CCDC42: variants seen among roughly 807,000 people sequenced by gnomAD.
The protein encoded by CCDC42 is coiled-coil domain containing 42.
A neutral mutation model predicts 40.8 loss-of-function variants in CCDC42; 38 were observed. That is an observed-to-expected ratio of 0.93 (90% CI 0.72 to 1.22). The LOEUF (loss-of-function observed/expected upper bound fraction) is 1.22. Ranked by LOEUF, CCDC42 falls within the 50% of genes most tolerant of loss-of-function variation. The pLI, the probability that CCDC42 is intolerant of heterozygous loss-of-function variation, is 0.00. For missense variants in CCDC42, 379 were observed against 416.5 expected, an observed-to-expected ratio of 0.91 and a Z score of 0.78; for synonymous variants, 135 against 157.5, an observed-to-expected ratio of 0.86 and a Z score of 1.07.
At chr17:8,733,303 G>A (rs914761406) in intron 6 of CCDC42, among the ~76,000 whole-genome samples, 1 of 152,158 alleles carries the variant, frequency 6.6e-6, no homozygotes, top group African/African-American at 2.4e-5. Flanking sequence ...GTATTTCCGT[G>A]AGTAGGTTCA....
At chr17:8,730,964 G>A (rs1368554493) in intron 6 of CCDC42, among the ~76,000 whole-genome samples, 2 of 152,172 alleles carry the variant, frequency 1.3e-5, no homozygotes, top group East Asian at 3.8e-4. Context: ...ATAACCTTGA[G>A]TCATGAAAAG....
At position 8,744,051 on chromosome 17, in the gene CCDC42, C is replaced by T. The variant is rs201061528; in HGVS notation, c.189+28G>A. ...CAGCCCACCCCCTTCCTTTCCTGCC[C>T]CTCTGCACTCCATCCCTGAGTCCCC... On this transcript the variant is annotated intron_variant, in intron 2 of 6. Transcript: ENST00000293845. 12 of 1,555,060 alleles carry T rather than the reference C, an allele frequency of 7.7e-6. No individual in the cohort carries two copies. The African/African-American group carries it at 1.4e-4, about 18-fold the overall frequency.
intron 4 of CCDC42, among the ~76,000 whole-genome samples, chr17:8,737,063 A>C (rs1205588619): frequency 6.9e-6 from 1 of 144,994 alleles, no homozygotes; most frequent in Non-Finnish European, 1.5e-5. Context: ...GAAAAAAGAA[A>C]AGAAAAAGGA....
chr17:8,736,626 C>A (rs2086612891), intron 4 of CCDC42, among the ~76,000 whole-genome samples: 1 of 152,212 alleles, frequency 6.6e-6, no homozygotes, highest in African/African-American at 2.4e-5. Flanking sequence ...TGGGAACTGC[C>A]CTGCTGGCCT....
chr17:8,743,037 C>T (rs1485929884), intron 3 of CCDC42, among the ~76,000 whole-genome samples: 4 of 152,180 alleles, frequency 2.6e-5, no homozygotes, highest in East Asian at 1.9e-4. Context: ...TTGTGGCCGA[C>T]GGCAATCATT....
At position 8,730,216 on chromosome 17, in the gene CCDC42, G is replaced by T. The variant is rs2086571661; in HGVS notation, c.874-9C>A. The stretch of plus-strand genomic sequence containing the variant: ...TGGATAAATTGCTGGATCTAGAAAG[G>T]CAAGGAGCCCAGCGTTAACTCCGCC... On this transcript the variant is annotated splice_polypyrimidine_tract_variant and intron_variant, in intron 6 of 6. Coordinates refer to ENST00000293845, the MANE Select transcript of CCDC42 (RefSeq NM_144681.3). The T allele has an allele frequency of 1.2e-6, 2 of 1,612,198 alleles. No individual in the cohort carries two copies. Among genetic ancestry groups the T allele is most frequent in the East Asian group, 2.2e-5 (1 of 44,794 alleles).
chr17:8,739,325 G>A (rs941714357), intron 4 of CCDC42, among the ~76,000 whole-genome samples: 2 of 152,202 alleles, frequency 1.3e-5, no homozygotes, highest in East Asian at 1.9e-4. Context: ...GAGTTCTGGC[G>A]GGGCTGTGAG....
In CCDC42 at chr17:8,739,009, G is replaced by A. The variant is rs2086626849; in HGVS notation, c.492+2465C>T. 2.6e-5 allele frequency among the ~76,000 whole-genome samples: 4 copies of A among 152,288 alleles called. No individual in the cohort carries two copies. The South Asian group carries it at 8.3e-4, about 32-fold the overall frequency. ...AACTGGGGGCAGATGGGGAAAATAC[G>A]AAGATTTAGCAAAGCTGTGTGATGA... On this transcript the variant is annotated intron_variant, in intron 4 of 6. Transcript: ENST00000293845.
rs2151141518 is a variant in CCDC42, at chr17:8,744,711, T to A, written c.-102A>T. The A allele has an allele frequency of 1.3e-6, 1 of 789,984 alleles. No individual in the cohort carries two copies. The highest frequency in any genetic ancestry group is 1.7e-5 in the African/African-American group (1 of 59,934). 48.9% of individuals were successfully genotyped at this position (789,984 alleles called of 1,614,324 possible). ...GGGGTGGTGGCTGCACTCTTGTTTC[T>A]CCCTTCGGCCTACAGGGTCCCACAG... On this transcript the variant is annotated 5_prime_UTR_variant, in exon 1 of 7. Transcript: ENST00000293845.
intron 4 of CCDC42, among the ~76,000 whole-genome samples, chr17:8,740,687 C>A (rs562925404): frequency 2.0e-5 from 3 of 151,988 alleles, no homozygotes; most frequent in African/African-American, 7.3e-5. Context: ...TCAGACGCTG[C>A]CCCCAAGAGG....
chr17:8,741,174 T>C (rs2086640881), intron 4 of CCDC42, among the ~76,000 whole-genome samples: 1 of 152,098 alleles, frequency 6.6e-6, no homozygotes, highest in African/African-American at 2.4e-5. Context: ...ACGCAACTCA[T>C]GCAAGATACA....
chr17:8,740,380 C>T (rs1003261018), intron 4 of CCDC42, among the ~76,000 whole-genome samples: 12 of 150,422 alleles, frequency 8.0e-5, no homozygotes, highest in Non-Finnish European at 1.0e-4. Context: ...CCCAGCTACT[C>T]GGGAGGCTGA....
intron 4 of CCDC42, among the ~76,000 whole-genome samples, chr17:8,740,683 G>A (rs1423522413): frequency 6.6e-6 from 1 of 152,014 alleles, no homozygotes; most frequent in Non-Finnish European, 1.5e-5. Context: ...AGTGTCAGAC[G>A]CTGCCCCCAA....
At position 8,730,047 on chromosome 17, in the gene CCDC42, G is replaced by A. The variant is rs942643304; in HGVS notation, c.*83C>T. On this transcript the variant is annotated 3_prime_UTR_variant, in exon 7 of 7. Transcript: ENST00000293845. The stretch of plus-strand genomic sequence containing the variant: ...GGAAGGCACAGCAGGCATCGGTCCC[G>A]AGCTGGACTGACTGGACCGCAGGCT... 3.7e-5 allele frequency: 49 copies of A among 1,307,624 alleles called. No homozygotes were observed. In the East Asian group the frequency reaches 4.4e-4, roughly 12 times the overall value. The allele number at this position is 1,307,624 out of a possible 1,614,324, so 81.0% of individuals were successfully genotyped here.
intron 3 of CCDC42, among the ~76,000 whole-genome samples, chr17:8,743,319 T>C (rs1382520809): frequency 6.6e-6 from 1 of 152,176 alleles, no homozygotes; most frequent in East Asian, 1.9e-4. Context: ...TAGTCCTAAC[T>C]GTAGCACCTT....
Position 8,735,491 on chromosome 17 carries a change from G to A in CCDC42, c.613C>T (p.Arg205Cys), listed in dbSNP as rs149912256. The change falls in exon 5 of 7, where the codon CGC (arginine) becomes TGC (cysteine). Residue 205 changes from arginine to cysteine, a missense_variant. Physicochemically the swap from Arg to Cys is radical, Grantham distance 180. Transcript: ENST00000293845. The surrounding 1 kb of genome is among the most constrained non-coding windows in gnomAD (Gnocchi z 4.7). ...KIERAKARLA[R>C]YMEEKDDEIL... The stretch of plus-strand genomic sequence containing the variant: ...TCATCATCCTTTTCCTCCATGTAGC[G>A]CGCCAGCCGGGCCTTGGCGCGCTCA... 247 of 1,614,074 alleles carry A rather than the reference G, an allele frequency of 1.5e-4. 2 individuals are homozygous for A. The Middle Eastern group carries it at 3.5e-3, about 23-fold the overall frequency.
rs1424880531 is a variant in CCDC42 at position 8,741,617 on chromosome 17, G to A, written c.349C>T (p.Leu117Phe). ...AMKKANKERE[L>F]KCQHMQELTK... is the part of the protein sequence containing the mutation. ...AGCTCCTGCATGTGCTGGCACTTGA[G>A]TTCTCGCTCCTTGTTGGCTTTCTTC... Residue 117 changes from leucine (L) to phenylalanine (F), a missense_variant, in exon 4 of 7, where the codon CTC becomes TTC. Leu to Phe is a conservative substitution (Grantham distance 22). Coordinates refer to ENST00000293845, the MANE Select transcript of CCDC42 (RefSeq NM_144681.3). The A allele has an allele frequency of 3.7e-6, 6 of 1,614,136 alleles. No individual in the cohort carries two copies. In the Admixed American group the frequency reaches 5.0e-5, roughly 13 times the overall value.
chr17:8,744,088 C>T lies in CCDC42; in HGVS notation c.180G>A (p.Gln60=). The T allele has an allele frequency of 6.2e-7, 1 of 1,611,932 alleles. No individual in the cohort carries two copies. The highest frequency in any genetic ancestry group is 8.5e-7 in the Non-Finnish European group (1 of 1,178,438). The change falls in exon 2 of 7, where the codon CAG becomes CAA. Residue 60 remains glutamine, a synonymous_variant. Coordinates refer to ENST00000293845, the MANE Select transcript of CCDC42 (RefSeq NM_144681.3). ...ETEIMHQTMV[Q]KKKMFQRRME... ...ATCCCTGAGTCCCCACCTTCTTCTT[C>T]TGCACCATAGTTTGATGCATGATTT...
intron 4 of CCDC42, among the ~76,000 whole-genome samples, chr17:8,739,945 G>A (rs1049757337): frequency 1.1e-4 from 17 of 152,166 alleles, no homozygotes; most frequent in Non-Finnish European, 1.9e-4. Context: ...CTTATAGTAC[G>A]TAGCACCTTT....
Sources: gnomAD v4.1 joint callset for allele counts (sites outside exome capture counted in the v4.1 genomes callset) on GRCh38, gnomAD v4.1.1 for gene constraint, Gnocchi (gnomAD v3.1) non-coding constraint, MANE v1.5 for transcripts, NCBI Gene and HGNC (gene_info 2026-07-23, HGNC 2026-07-21) for gene names.